Variants in SLCO5A1 observed in about 807,000 individuals in gnomAD.
SLCO5A1 encodes solute carrier organic anion transporter family member 5A1, also known as organic anion transporter polypeptide-related protein 4.
SLCO5A1 carries 39 observed loss-of-function variants against 65.1 expected under a neutral mutation model. The ratio of observed to expected loss-of-function variants is 0.60; its 90% CI spans 0.46 to 0.78. SLCO5A1 has a LOEUF of 0.78. SLCO5A1 is among the 30% of genes least tolerant of loss of function. SLCO5A1 has a pLI of 0.00. For missense variants in SLCO5A1, 1,029 were observed against 1,069.4 expected (o/e 0.96, Z 0.53); for synonymous variants, 438 against 415.7 (o/e 1.05, Z -0.65).
intron 2 of SLCO5A1, among the ~76,000 whole-genome samples, chr8:69,784,930 G>GAAAGAA (rs1554620922): frequency 1.3e-4 from 15 of 113,780 alleles, no homozygotes; most frequent in African/African-American, 5.2e-4. Flanking sequence ...AAGAAAGAAA[G>GAAAGAA]AAAGAAAGAA....
intron 2 of SLCO5A1, among the ~76,000 whole-genome samples, chr8:69,764,750 C>A (rs1221213492): frequency 6.6e-6 from 1 of 152,194 alleles, no homozygotes; most frequent in East Asian, 1.9e-4. Flanking sequence ...GACAAACCGG[C>A]ATCATTAACA....
At chr8:69,734,210 C>A (rs1816457714) in intron 5 of SLCO5A1, among the ~76,000 whole-genome samples, 1 of 152,162 alleles carries the variant, frequency 6.6e-6, no homozygotes, top group Non-Finnish European at 1.5e-5. Flanking sequence ...CACCTGCTTG[C>A]CTTTGGAGCT....
intron 2 of SLCO5A1, among the ~76,000 whole-genome samples, chr8:69,786,426 C>A (rs1819042360): frequency 6.6e-6 from 1 of 152,156 alleles, no homozygotes; most frequent in South Asian, 2.1e-4. Flanking sequence ...AAAACTAATA[C>A]TAGGAGCATT....
intron 2 of SLCO5A1, among the ~76,000 whole-genome samples, chr8:69,831,537 GA>G (rs1182446246): frequency 6.6e-6 from 1 of 152,164 alleles, no homozygotes; most frequent in Non-Finnish European, 1.5e-5. Flanking sequence ...TGTTACTTGG[GA>G]AAAGACAAAC....
chr8:69,770,092 A>G (rs1818249348), intron 2 of SLCO5A1, among the ~76,000 whole-genome samples: 1 of 152,124 alleles, frequency 6.6e-6, no homozygotes, highest in South Asian at 2.1e-4. Context: ...ATGTTTTTTC[A>G]TGTAGCTATC....
chr8:69,749,208 T>G (rs1221693539), intron 4 of SLCO5A1, among the ~76,000 whole-genome samples: 3 of 152,174 alleles, frequency 2.0e-5, no homozygotes, highest in Non-Finnish European at 2.9e-5. Flanking sequence ...AAGTTCAGAA[T>G]CTATTCCTTC....
rs866458029 is a variant in SLCO5A1, at chr8:69,831,275, A to G, written c.907+492T>C. 4.5e-3 allele frequency among the ~76,000 whole-genome samples: 679 copies of G among 152,206 alleles called. 7 individuals are homozygous for G. The highest frequency in any genetic ancestry group is 0.015 in the African/African-American group (632 of 41,534). ...ACTCCATCTTAAAAAGAAAAAAAAA[A>G]AAAAGAAAAGAAACACAGGTATGAA... On this transcript the variant is annotated intron_variant, in intron 2 of 9. Coordinates refer to ENST00000260126, the MANE Select transcript of SLCO5A1 (RefSeq NM_030958.3).
chr8:69,772,701 A>G (rs1818385906), intron 2 of SLCO5A1, among the ~76,000 whole-genome samples: 1 of 151,966 alleles, frequency 6.6e-6, no homozygotes, highest in Non-Finnish European at 1.5e-5. Flanking sequence ...CCAGGGAGCC[A>G]TGGGCCTCCC....
intron 2 of SLCO5A1, among the ~76,000 whole-genome samples, chr8:69,816,572 A>G (rs1327599147): frequency 6.6e-6 from 1 of 152,180 alleles, no homozygotes; most frequent in African/African-American, 2.4e-5. Context: ...ATTGACATGA[A>G]CCCATAGTCT....
At chr8:69,755,688 G>A (rs1347889981) in intron 3 of SLCO5A1, 47 bp from the exon 4 acceptor site, 1 of 1,510,390 alleles carries the variant, frequency 6.6e-7, no homozygotes, top group South Asian at 1.2e-5. Context: ...TTTCTTTTGT[G>A]AGTGAGAACA....
chr8:69,810,628 A>G (rs574473189), intron 2 of SLCO5A1, among the ~76,000 whole-genome samples: 14 of 152,338 alleles, frequency 9.2e-5, no homozygotes, highest in Non-Finnish European at 1.2e-4. Flanking sequence ...AGAAAAATCA[A>G]TTAATGAGGT....
In SLCO5A1 at chr8:69,832,757, G is replaced by A; in HGVS notation, c.-84C>T. On this transcript the variant is annotated 5_prime_UTR_variant, in exon 2 of 10. Coordinates refer to ENST00000260126, the MANE Select transcript of SLCO5A1 (RefSeq NM_030958.3). The surrounding 1 kb of genome is among the most constrained non-coding windows in gnomAD (Gnocchi z 4.5). Reference sequence around the variant, plus strand: ...CCACCGGCACGAGGGGCCGAAGCCGGGCCCAGTCAGTCTTGCCCACCTGGG... The same window carrying A: ...CCACCGGCACGAGGGGCCGAAGCCGAGCCCAGTCAGTCTTGCCCACCTGGG... 6.8e-7 allele frequency: 1 copy of A among 1,469,862 alleles called. No individual in the cohort carries two copies. Among genetic ancestry groups the A allele is most frequent in the South Asian group, 1.3e-5 (1 of 74,862 alleles). The allele number at this position is 1,469,862 out of a possible 1,614,324, so 91.1% of individuals were successfully genotyped here.
At chr8:69,796,066 G>A (rs566514993) in intron 2 of SLCO5A1, among the ~76,000 whole-genome samples, 278 of 152,322 alleles carry the variant, frequency 1.8e-3, no homozygotes, top group African/African-American at 6.2e-3. Flanking sequence ...CCCTGGGTCT[G>A]GCCCATGAAA....
intron 6 of SLCO5A1, among the ~76,000 whole-genome samples, chr8:69,690,156 G>C (rs28554158): frequency 0.036 from 5,273 of 145,890 alleles, 118 homozygotes; most frequent in South Asian, 0.082. Flanking sequence ...CGCTGATTCC[G>C]CCAAGCCCGT....
At chr8:69,689,471 G>T (rs1347254078) in intron 6 of SLCO5A1, among the ~76,000 whole-genome samples, 1 of 134,500 alleles carries the variant, frequency 7.4e-6, no homozygotes, top group Non-Finnish European at 1.6e-5. Flanking sequence ...TATGGTTTTA[G>T]GTCTAACATA....
Position 69,813,730 on chromosome 8 carries a change from C to T in SLCO5A1, c.907+18037G>A, listed in dbSNP as rs79822749. On this transcript the variant is annotated intron_variant, in intron 2 of 9. Transcript: ENST00000260126. ...GTTGCAGAAAAAGACCACATCAAGT[C>T]GGACTGAACAAAGCACAGAACCAAA... Among the ~76,000 whole-genome samples, 12 of 152,240 alleles carry T rather than the reference C, an allele frequency of 7.9e-5. No homozygotes were observed. The East Asian group carries it at 1.7e-3, about 22-fold the overall frequency.
intron 6 of SLCO5A1, among the ~76,000 whole-genome samples, chr8:69,685,208 T>G (rs1460735960): frequency 6.6e-6 from 1 of 152,218 alleles, no homozygotes; most frequent in Non-Finnish European, 1.5e-5. Context: ...GGTTCATCCT[T>G]TACACTGTGC....
At chr8:69,706,681 C>A (rs1017587892) in intron 5 of SLCO5A1, among the ~76,000 whole-genome samples, 7 of 152,196 alleles carry the variant, frequency 4.6e-5, no homozygotes, top group East Asian at 1.9e-4. Flanking sequence ...GTTGGACTTC[C>A]CAACCTCCAG....
chr8:69,792,929 GT>G (rs913481978), intron 2 of SLCO5A1, among the ~76,000 whole-genome samples: 12 of 151,372 alleles, frequency 7.9e-5, no homozygotes, highest in Admixed American at 2.0e-4. Flanking sequence ...TTTTTTTAAG[GT>G]TTTTTTTCGT....
Sources: allele counts gnomAD v4.1 joint callset (sites outside exome capture counted in the v4.1 genomes callset), GRCh38; gene constraint gnomAD v4.1.1; non-coding constraint Gnocchi (gnomAD v3.1); transcripts MANE v1.5; gene names NCBI Gene and HGNC (gene_info 2026-07-23, HGNC 2026-07-21).